Variants in DROSHA observed in about 807,000 individuals in gnomAD.
The protein encoded by DROSHA is ribonuclease 3.
Under a neutral mutation model 181.9 loss-of-function variants are expected in DROSHA, and 56 were observed. That is an observed-to-expected ratio of 0.31 (90% CI 0.25 to 0.38). The LOEUF is 0.38. Among genes scored for constraint, DROSHA ranks in the 10% least tolerant of loss-of-function variants. DROSHA has a pLI of 1.00. For missense variants in DROSHA, 1,218 were observed against 1,743.5 expected, an observed-to-expected ratio of 0.70 and a Z score of 5.37; for synonymous variants, 524 against 591.2, an observed-to-expected ratio of 0.89 and a Z score of 1.65.
intron 11 of DROSHA, among the ~76,000 whole-genome samples, chr5:31,497,046 G>C (rs753443666): frequency 6.6e-6 from 1 of 152,164 alleles, no homozygotes. Context: ...TGGTAACCCC[G>C]TGCACTCGGG....
Position 31,512,495 on chromosome 5 carries a change from G to T in DROSHA, c.1291-1319C>A, listed in dbSNP as rs115844430. 5.8e-3 allele frequency among the ~76,000 whole-genome samples: 886 copies of T among 152,286 alleles called. 6 individuals carry two copies. The highest frequency in any genetic ancestry group is 7.2e-3 in the Non-Finnish European group (492 of 68,020). On this transcript the variant is annotated intron_variant, in intron 8 of 35. Transcript: ENST00000344624. ...TTCTTCCTAATAGAAGCAGGATTCT[G>T]TAAGATTTGGAGAAGAGAACTCCTG...
intron 20 of DROSHA, among the ~76,000 whole-genome samples, chr5:31,454,107 G>A (rs1747360099): frequency 6.6e-6 from 1 of 152,170 alleles, no homozygotes; most frequent in Non-Finnish European, 1.5e-5. Flanking sequence ...AGAGAAGAGA[G>A]GCACAGGCCC....
At chr5:31,487,675 A>C (rs4867339) in intron 13 of DROSHA, among the ~76,000 whole-genome samples, 12,289 of 152,272 alleles carry the variant, frequency 0.081, 646 homozygotes, top group East Asian at 0.23. Flanking sequence ...AGGGATGGTA[A>C]GAAAAACAGA....
intron 25 of DROSHA, among the ~76,000 whole-genome samples, chr5:31,434,822 A>C (rs970774342): frequency 6.6e-6 from 1 of 152,252 alleles, no homozygotes; most frequent in African/African-American, 2.4e-5. Context: ...CATTCTGCCT[A>C]CTATTAAATA....
chr5:31,498,351 T>C (rs1753223859), intron 11 of DROSHA, among the ~76,000 whole-genome samples: 1 of 152,168 alleles, frequency 6.6e-6, no homozygotes, highest in South Asian at 2.1e-4. Flanking sequence ...ATCTTCCTTT[T>C]ACTTGTAAAA....
At position 31,408,980 on chromosome 5, in the gene DROSHA, A is replaced by C. The variant is rs541676959; in HGVS notation, c.3854+76T>G. ...TGTCATGATCACCCCACAATGACTCATTCTTCAAGGCACATGGAAAGTCAA... is the reference window on the plus strand; with the variant it reads ...TGTCATGATCACCCCACAATGACTCCTTCTTCAAGGCACATGGAAAGTCAA... On this transcript the variant is annotated intron_variant, in intron 33 of 35. Coordinates refer to ENST00000344624, the MANE Select transcript of DROSHA (RefSeq NM_001382508.1). 17 of 1,363,792 alleles carry C rather than the reference A, an allele frequency of 1.2e-5. No individual in the cohort carries two copies. The East Asian group carries it at 3.5e-4, about 28-fold the overall frequency. 84.5% of individuals were successfully genotyped at this position (1,363,792 alleles called of 1,614,324 possible).
chr5:31,521,784 T>C (rs1427802667), intron 5 of DROSHA, among the ~76,000 whole-genome samples: 2 of 152,088 alleles, frequency 1.3e-5, no homozygotes, highest in Non-Finnish European at 2.9e-5. Flanking sequence ...AATAGAGATG[T>C]TGGGCTTACT....
intron 5 of DROSHA, among the ~76,000 whole-genome samples, chr5:31,523,735 G>A (rs1740171876): frequency 6.6e-6 from 1 of 151,968 alleles, no homozygotes; most frequent in African/African-American, 2.4e-5. Flanking sequence ...AGCACTTTAG[G>A]AGGCTGAGGC....
intron 35 of DROSHA, among the ~76,000 whole-genome samples, chr5:31,403,517 T>C (rs1740294463): frequency 6.6e-6 from 1 of 152,208 alleles, no homozygotes; most frequent in Non-Finnish European, 1.5e-5. Flanking sequence ...GGTATACTTT[T>C]TTTCACTTAT....
intron 27 of DROSHA, among the ~76,000 whole-genome samples, chr5:31,424,927 G>A (rs143747016): frequency 1.8e-3 from 272 of 152,150 alleles, no homozygotes; most frequent in African/African-American, 6.4e-3. Flanking sequence ...GCCCCATGTC[G>A]TCTTCATAAG....
chr5:31,511,533 C>G (rs1738678901), intron 8 of DROSHA, among the ~76,000 whole-genome samples: 1 of 151,918 alleles, frequency 6.6e-6, no homozygotes, highest in African/African-American at 2.4e-5. Flanking sequence ...TAGCAAGACC[C>G]CACCTCTATG....
chr5:31,494,727 C>A (rs996365512), intron 12 of DROSHA, among the ~76,000 whole-genome samples: 6 of 152,124 alleles, frequency 3.9e-5, no homozygotes, highest in African/African-American at 1.4e-4. Flanking sequence ...ACACTGTCGC[C>A]CAGGCTGGAG....
intron 22 of DROSHA, 38 bp from the exon 23 acceptor site, chr5:31,448,645 G>T (rs778347335): frequency 7.3e-6 from 11 of 1,501,156 alleles, no homozygotes; most frequent in Admixed American, 6.8e-5. Context: ...AGTAAATACG[G>T]ATAGAAGAAT....
chr5:31,409,196 C>A lies in DROSHA; in HGVS notation c.3751-37G>T. On this transcript the variant is annotated intron_variant, in intron 32 of 35. Coordinates refer to ENST00000344624, the MANE Select transcript of DROSHA (RefSeq NM_001382508.1). This position sits in a 1 kb window ranked among gnomAD's most constrained non-coding sequence, Gnocchi z 4.0. ...CCCCAAAACTATTTAGTAATGGGTT[C>A]TGGAATCACCAAACATAAAGCAGAC... is the stretch of plus-strand genomic sequence containing the variant. 6.2e-7 allele frequency: 1 copy of A among 1,609,442 alleles called. No individual in the cohort carries two copies. The highest frequency in any genetic ancestry group is 8.5e-7 in the Non-Finnish European group (1 of 1,177,604).
chr5:31,507,590 G>A (rs1261454196), intron 10 of DROSHA, among the ~76,000 whole-genome samples: 3 of 151,868 alleles, frequency 2.0e-5, no homozygotes, highest in Non-Finnish European at 2.9e-5. Flanking sequence ...CACTCCAGCC[G>A]GGGCAACAGT....
intron 9 of DROSHA, among the ~76,000 whole-genome samples, chr5:31,510,247 C>A (rs1738519064): frequency 6.6e-6 from 1 of 152,100 alleles, no homozygotes; most frequent in African/African-American, 2.4e-5. Flanking sequence ...TACTGTCATC[C>A]CTATTTTACA....
In DROSHA at chr5:31,514,904, T is replaced by C; in HGVS notation, c.1290+84A>G. The C allele has an allele frequency of 7.6e-7, 1 of 1,318,634 alleles. No individual in the cohort carries two copies. 81.7% of individuals were successfully genotyped at this position (1,318,634 alleles called of 1,614,324 possible). A position where few individuals can be genotyped will look rare whatever the true frequency, so the allele number is the denominator to read the frequency against. ...ACAATGCATAGGGCAGTCCCCACAA[T>C]CAAGAATTTATCCAGCCCCAAAGGC... On this transcript the variant is annotated intron_variant, in intron 8 of 35. Transcript: ENST00000344624. This position sits in a 1 kb window ranked among gnomAD's most constrained non-coding sequence, Gnocchi z 4.4.
chr5:31,424,288 G>A, intron 28 of DROSHA, 139 bp downstream of exon 28: 3 of 1,085,766 alleles, frequency 2.8e-6, no homozygotes, highest in Non-Finnish European at 4.1e-6. Context: ...AGTTTTCCAG[G>A]TCTGACACCT....
At chr5:31,484,011 T>A (rs967745050) in intron 15 of DROSHA, among the ~76,000 whole-genome samples, 12 of 151,288 alleles carry the variant, frequency 7.9e-5, no homozygotes, top group Non-Finnish European at 1.8e-4. Context: ...AAAAAAAAAA[T>A]GTTGAGAAAT....
Sources: allele counts gnomAD v4.1 joint callset (sites outside exome capture counted in the v4.1 genomes callset), GRCh38; gene constraint gnomAD v4.1.1; non-coding constraint Gnocchi (gnomAD v3.1); transcripts MANE v1.5; gene names NCBI Gene and HGNC (gene_info 2026-07-23, HGNC 2026-07-21).